The following IL17D variants were observed in gnomAD, a reference collection of about 807,000 sequenced individuals.
IL17D encodes interleukin 17D, also known as interleukin-17D.
Under a neutral mutation model 5.7 loss-of-function variants are expected in IL17D, and 10 were observed. The ratio of observed to expected loss-of-function variants is 1.75; its 90% CI spans 1.08 to 2.97. The LOEUF (loss-of-function observed/expected upper bound fraction) is 2.97. IL17D is among the 30% of genes most tolerant of loss of function. IL17D has a pLI of 0.00. For synonymous variants in IL17D, 172 were observed against 141.7 expected (o/e 1.21, Z -1.52); for missense variants, 354 against 292.7 (o/e 1.21, Z -1.53).
chr13:20,704,290 A>T lies in IL17D; in HGVS notation c.289A>T (p.Arg97Ter). The T allele has an allele frequency of 4.6e-6, 5 of 1,075,894 alleles. No homozygotes were observed. The highest frequency in any genetic ancestry group is 4.5e-6 in the Non-Finnish European group (4 of 894,204). 66.6% of individuals were successfully genotyped at this position (1,075,894 alleles called of 1,614,324 possible). A position where few individuals can be genotyped will look rare whatever the true frequency, so the allele number is the denominator to read the frequency against. The change falls in exon 1 of 2, where the codon AGA becomes TGA. Residue 97 changes from arginine (R) to a stop codon, truncating the protein, a stop_gained and splice_region_variant. Coordinates refer to ENST00000682841, the MANE Select transcript of IL17D (RefSeq NM_001385224.1). LOFTEE classifies it low-confidence loss of function (END_TRUNC). The part of the protein sequence containing the change: ...NLRSVSPWAY[R>*]ISYDPARYPR... ...GCGCAGCGTGTCGCCCTGGGCCTAC[A>T]GGTGAGCCGCGGGCGCGTCCTGGCG...
intron 1 of IL17D, among the ~76,000 whole-genome samples, chr13:20,717,648 G>A (rs905425808): frequency 1.3e-5 from 2 of 152,192 alleles, no homozygotes; most frequent in Non-Finnish European, 2.9e-5. Context: ...AGCAGGGCAT[G>A]GTAGATGCGC....
At position 20,708,007 on chromosome 13, in the gene IL17D, G is replaced by A. The variant is rs752945592; in HGVS notation, c.290+3716G>A. Among the ~76,000 whole-genome samples, 5 of 152,200 alleles carry A rather than the reference G, an allele frequency of 3.3e-5. No individual in the cohort carries two copies. The South Asian group carries it at 1.0e-3, about 31-fold the overall frequency. On this transcript the variant is annotated intron_variant, in intron 1 of 1. Transcript: ENST00000682841. ...GGCAGACTACAACCTCCATCTCCTG[G>A]GTTCAAGCAATTCTCCTGTCTCAGC...
At chr13:20,706,818 A>G (rs892765009) in intron 1 of IL17D, among the ~76,000 whole-genome samples, 4 of 152,198 alleles carry the variant, frequency 2.6e-5, no homozygotes, top group African/African-American at 9.6e-5. Flanking sequence ...AATGACACAC[A>G]GGGTTCGGGG....
rs763634271 is a variant in IL17D, at chr13:20,722,954, CAATCTGG to C, written c.*1002_*1008del. 9 of 152,236 alleles carry C rather than the reference CAATCTGG, an allele frequency of 5.9e-5. No homozygotes were observed. The highest frequency in any genetic ancestry group is 1.0e-4 in the Non-Finnish European group (7 of 68,060). 9.4% of individuals were successfully genotyped at this position (152,236 alleles called of 1,614,324 possible). ...GGGCCACGTTAGCATCTGCAGAGAT[CAATCTGG>C]AGGCTTCTGTTTCTGCATTCTGCCA... On this transcript the variant is annotated 3_prime_UTR_variant, in exon 2 of 2. Coordinates refer to ENST00000682841, the MANE Select transcript of IL17D (RefSeq NM_001385224.1).
At chr13:20,714,131 C>T (rs948596254) in intron 1 of IL17D, 2 of 152,252 alleles carry the variant, frequency 1.3e-5, no homozygotes, top group Non-Finnish European at 2.9e-5. Context: ...TTTGCCATGA[C>T]AAAATAAAAC....
At chr13:20,705,074 G>A (rs2058580796) in intron 1 of IL17D, among the ~76,000 whole-genome samples, 1 of 152,038 alleles carries the variant, frequency 6.6e-6, no homozygotes, top group Non-Finnish European at 1.5e-5. Flanking sequence ...GTGTAGGCAG[G>A]GTGCCGCAGT....
rs1289707078 is a variant in IL17D, at chr13:20,721,876, A to G, written c.531A>G (p.Ala177=). The G allele has an allele frequency of 6.2e-7, 1 of 1,610,048 alleles. No homozygotes were observed. Among genetic ancestry groups the G allele is most frequent in the South Asian group, 1.1e-5 (1 of 91,056 alleles). ...CTCVPEPEKD[A]DSINSSIDKQ... ...GCGTCCCCGAGCCGGAGAAGGACGC[A>G]GACAGCATCAACTCCAGCATCGACA... Residue 177 remains alanine (A), a synonymous_variant, in exon 2 of 2, where the codon GCA becomes GCG. Transcript: ENST00000682841.
intron 1 of IL17D, among the ~76,000 whole-genome samples, chr13:20,719,996 G>A (rs1406172518): frequency 2.0e-5 from 3 of 152,082 alleles, no homozygotes; most frequent in Non-Finnish European, 4.4e-5. Flanking sequence ...AACAACACGG[G>A]ATATATCAAG....
chr13:20,717,989 A>G (rs955377058), intron 1 of IL17D, among the ~76,000 whole-genome samples: 2 of 152,152 alleles, frequency 1.3e-5, no homozygotes, highest in Non-Finnish European at 2.9e-5. Context: ...GCAGTTACCT[A>G]CATACCGAGG....
chr13:20,708,451 TA>T (rs1021706653), intron 1 of IL17D, among the ~76,000 whole-genome samples: 1 of 152,050 alleles, frequency 6.6e-6, no homozygotes, highest in Non-Finnish European at 1.5e-5. Flanking sequence ...CATTTAAATG[TA>T]AAAAAACCAC....
intron 1 of IL17D, chr13:20,713,134 G>A (rs1400873404): frequency 6.6e-6 from 1 of 152,164 alleles, no homozygotes; most frequent in African/African-American, 2.4e-5. Flanking sequence ...CACAGGTGCA[G>A]TGTCCTTTCG....
chr13:20,705,483 C>G (rs900404115), intron 1 of IL17D, among the ~76,000 whole-genome samples: 1 of 152,118 alleles, frequency 6.6e-6, no homozygotes, highest in Non-Finnish European at 1.5e-5. Context: ...GGATTTAAGT[C>G]CAGGAGTTCG....
At chr13:20,712,904 TTTC>T (rs2058650937) in intron 1 of IL17D, 1 of 152,192 alleles carries the variant, frequency 6.6e-6, no homozygotes, top group South Asian at 2.1e-4. Flanking sequence ...CTTTCTCTTT[TTTC>T]TTTTTTCCTT....
In IL17D at chr13:20,704,071, C is replaced by G; in HGVS notation, c.70C>G (p.Arg24Gly). 1 of 1,102,282 alleles carries G rather than the reference C, an allele frequency of 9.1e-7. No homozygotes were observed. Among genetic ancestry groups the G allele is most frequent in the Non-Finnish European group, 1.1e-6 (1 of 910,426 alleles). 68.3% of individuals were successfully genotyped at this position (1,102,282 alleles called of 1,614,324 possible). A position where few individuals can be genotyped will look rare whatever the true frequency, so the allele number is the denominator to read the frequency against. The part of the protein sequence containing the change: ...WAAGAPRAGR[R>G]PARPRGCADR... ...CGCGGGCGCCCCGAGGGCGGGCAGGCGCCCCGCGCGGCCGCGGGGCTGCGC... is the reference window on the plus strand; with the variant it reads ...CGCGGGCGCCCCGAGGGCGGGCAGGGGCCCCGCGCGGCCGCGGGGCTGCGC... The change falls in exon 1 of 2, where the codon CGC becomes GGC. Residue 24 changes from arginine to glycine, a missense_variant. Transcript: ENST00000682841.
chr13:20,708,985 AAG>A (rs2058613503), intron 1 of IL17D, among the ~76,000 whole-genome samples: 2 of 150,376 alleles, frequency 1.3e-5, no homozygotes. Flanking sequence ...AAAAGAAAGA[AAG>A]AAAAGAAAAG....
upstream of IL17D, chr13:20,703,194 G>A (rs1046664246): frequency 6.3e-5 from 52 of 825,614 alleles, no homozygotes; most frequent in Non-Finnish European, 7.6e-5. Context: ...GCGCCCCGCC[G>A]CATGCTCGCG....
Position 20,723,003 on chromosome 13 carries a change from G to C in IL17D, c.*1049G>C, listed in dbSNP as rs925124483. 1 of 152,212 alleles carries C rather than the reference G, an allele frequency of 6.6e-6. No homozygotes were observed. Among genetic ancestry groups the C allele is most frequent in the Non-Finnish European group, 1.5e-5 (1 of 68,054 alleles). 9.4% of individuals were successfully genotyped at this position (152,212 alleles called of 1,614,324 possible). On this transcript the variant is annotated 3_prime_UTR_variant, in exon 2 of 2. Coordinates refer to ENST00000682841, the MANE Select transcript of IL17D (RefSeq NM_001385224.1). ...ATTCTGCCACGAGAGCTAGGTCCTT[G>C]ATCTTTTCTTTAGATTGAAAGTCTG...
chr13:20,702,874 A>G (rs567576349), upstream of IL17D: 8 of 152,316 alleles, frequency 5.3e-5, no homozygotes, highest in Non-Finnish European at 1.2e-4. Flanking sequence ...ATTTAAAAAA[A>G]CCTCTAATTT....
At position 20,722,029 on chromosome 13, in the gene IL17D, G is replaced by A; in HGVS notation, c.*75G>A. Reference sequence around the variant, plus strand: ...AAGCTGGAGCCGCCTGGAGGGCTCGGTCGGCGACCTCTGAAGAGAGTGCAC... The same window carrying A: ...AAGCTGGAGCCGCCTGGAGGGCTCGATCGGCGACCTCTGAAGAGAGTGCAC... On this transcript the variant is annotated 3_prime_UTR_variant, in exon 2 of 2. Transcript: ENST00000682841. 3 of 1,288,870 alleles carry A rather than the reference G, an allele frequency of 2.3e-6. No homozygotes were observed. Among genetic ancestry groups the A allele is most frequent in the Non-Finnish European group, 3.1e-6 (3 of 960,084 alleles). The allele number at this position is 1,288,870 out of a possible 1,614,324, so 79.8% of individuals were successfully genotyped here.
Sources: gnomAD v4.1 joint callset for allele counts (sites outside exome capture counted in the v4.1 genomes callset) on GRCh38, gnomAD v4.1.1 for gene constraint, MANE v1.5 for transcripts, NCBI Gene and HGNC (gene_info 2026-07-23, HGNC 2026-07-21) for gene names.